Variants in C1orf87 observed in about 807,000 individuals in gnomAD.
C1orf87 encodes uncharacterized protein C1orf87.
Under a neutral mutation model 60.5 loss-of-function variants are expected in C1orf87, and 58 were observed. The ratio of observed to expected loss-of-function variants is 0.96; its 90% CI spans 0.78 to 1.19. C1orf87 has a LOEUF of 1.19. C1orf87 is among the 50% of genes most tolerant of loss of function. The probability of loss-of-function intolerance (pLI) is 0.00; values close to 1 mark genes in which losing one functional copy is unlikely to be tolerated. For synonymous variants in C1orf87, 236 were observed against 227.4 expected, an observed-to-expected ratio of 1.04 and a Z score of -0.34; for missense variants, 673 against 638.6, an observed-to-expected ratio of 1.05 and a Z score of -0.58.
At chr1:59,993,509 T>G (rs1644940647) in intron 11 of C1orf87, among the ~76,000 whole-genome samples, 1 of 152,090 alleles carries the variant, frequency 6.6e-6, no homozygotes, top group South Asian at 2.1e-4. Context: ...TAATTAAAAA[T>G]TAAAAGTTAT....
At chr1:60,044,023 T>G (rs140081810) in intron 3 of C1orf87, among the ~76,000 whole-genome samples, 1 of 152,140 alleles carries the variant, frequency 6.6e-6, no homozygotes, top group African/African-American at 2.4e-5. Flanking sequence ...GTCTTTTTGT[T>G]TGTTTGTTTT....
intron 8 of C1orf87, 46 bp downstream of exon 8, chr1:60,025,355 G>A: frequency 7.1e-7 from 1 of 1,414,656 alleles, no homozygotes; most frequent in East Asian, 2.3e-5. Context: ...ATTTGGGGAA[G>A]GGGTGGTGGA....
At chr1:60,045,640 T>C (rs2100304142) in intron 3 of C1orf87, among the ~76,000 whole-genome samples, 1 of 152,308 alleles carries the variant, frequency 6.6e-6, no homozygotes, top group East Asian at 1.9e-4. Flanking sequence ...TGTTATTTCA[T>C]CCACATTATT....
chr1:60,004,311 A>G (rs1249940812), intron 9 of C1orf87, among the ~76,000 whole-genome samples: 2 of 152,006 alleles, frequency 1.3e-5, no homozygotes, highest in East Asian at 3.9e-4. Context: ...TACGTAAAAT[A>G]CCTAACACAG....
intron 11 of C1orf87, among the ~76,000 whole-genome samples, chr1:59,995,634 T>C (rs571653273): frequency 1.3e-5 from 2 of 152,206 alleles, no homozygotes; most frequent in Non-Finnish European, 2.9e-5. Flanking sequence ...AGTTCTCTCT[T>C]TCTTGGAGTC....
At chr1:60,012,915 T>C (rs1645098500) in intron 8 of C1orf87, among the ~76,000 whole-genome samples, 1 of 152,176 alleles carries the variant, frequency 6.6e-6, no homozygotes, top group South Asian at 2.1e-4. Context: ...TTTTGTGGTC[T>C]TCGCAGTTCC....
Position 59,997,772 on chromosome 1 carries a change from T to G in C1orf87, c.1317A>C (p.Glu439Asp). The change falls in exon 11 of 12, where the codon GAA becomes GAC. Residue 439 changes from glutamate (E) to aspartate (D), a missense_variant. Physicochemically the swap from Glu to Asp is conservative, Grantham distance 45. Coordinates refer to ENST00000371201, the MANE Select transcript of C1orf87 (RefSeq NM_152377.3). ...TCAGAGGATCTTTGCAGGCTGAAGT[T>G]TCAGCAGGAGAGCTTTCTGGCTGCA... ...EELQPESSPA[E>D]TSACKDPLKP... The G allele has an allele frequency of 6.2e-7, 1 of 1,613,864 alleles. No individual in the cohort carries two copies. Among genetic ancestry groups the G allele is most frequent in the Non-Finnish European group, 8.5e-7 (1 of 1,179,860 alleles).
chr1:60,041,913 A>G (rs940568854), intron 3 of C1orf87, among the ~76,000 whole-genome samples: 2 of 152,136 alleles, frequency 1.3e-5, no homozygotes, highest in Non-Finnish European at 2.9e-5. Context: ...CCAGACAACT[A>G]GGGATAGTCA....
chr1:60,020,365 G>T (rs536507330), intron 8 of C1orf87, among the ~76,000 whole-genome samples: 7 of 152,268 alleles, frequency 4.6e-5, no homozygotes, highest in African/African-American at 1.7e-4. Context: ...CTGACAGCTT[G>T]CAACCGTGTG....
intron 3 of C1orf87, among the ~76,000 whole-genome samples, chr1:60,048,930 AT>A (rs1645392902): frequency 6.6e-6 from 1 of 152,000 alleles, no homozygotes; most frequent in South Asian, 2.1e-4. Context: ...TCTTTTTACA[AT>A]TTCATAGTAC....
At chr1:60,024,333 G>C (rs1480424375) in intron 8 of C1orf87, among the ~76,000 whole-genome samples, 1 of 152,024 alleles carries the variant, frequency 6.6e-6, no homozygotes, top group Non-Finnish European at 1.5e-5. Context: ...GTTTGTCTGG[G>C]GTAATTTGGC....
At chr1:60,051,056 G>T (rs150332943) in intron 3 of C1orf87, among the ~76,000 whole-genome samples, 4 of 152,212 alleles carry the variant, frequency 2.6e-5, no homozygotes, top group Non-Finnish European at 4.4e-5. Context: ...GGAGGGAAGA[G>T]AATTTTACCC....
chr1:59,992,628 T>C (rs1214174751), intron 11 of C1orf87, among the ~76,000 whole-genome samples: 2 of 152,220 alleles, frequency 1.3e-5, no homozygotes, highest in Non-Finnish European at 2.9e-5. Flanking sequence ...CCAGAGGCAG[T>C]GCCTTGTCAT....
Position 60,041,054 on chromosome 1 carries a change from G to C in C1orf87, c.420C>G (p.Pro140=), listed in dbSNP as rs1159611121. 1.2e-6 allele frequency: 2 copies of C among 1,613,276 alleles called. No homozygotes were observed. The highest frequency in any genetic ancestry group is 1.3e-5 in the African/African-American group (1 of 74,866). Reference sequence around the variant, plus strand: ...AGGACCAGTCTCTAAGCTTTCTCCTGGGAATGCCATGCACATAGGATAAGG... The same window carrying C: ...AGGACCAGTCTCTAAGCTTTCTCCTCGGAATGCCATGCACATAGGATAAGG... ...DQSLSYVHGI[P]RRKLRDWSLE... The change falls in exon 4 of 12, where the codon CCC becomes CCG. Residue 140 remains proline (P), a synonymous_variant. Coordinates refer to ENST00000371201, the MANE Select transcript of C1orf87 (RefSeq NM_152377.3).
chr1:60,063,237 T>C (rs776835282), intron 2 of C1orf87, among the ~76,000 whole-genome samples: 24 of 152,208 alleles, frequency 1.6e-4, no homozygotes, highest in Non-Finnish European at 2.8e-4. Flanking sequence ...ATAAGGCTTA[T>C]TGATCAGTTG....
chr1:60,029,251 T>C (rs1645219852), intron 7 of C1orf87, among the ~76,000 whole-genome samples: 1 of 152,184 alleles, frequency 6.6e-6, no homozygotes, highest in Non-Finnish European at 1.5e-5. Flanking sequence ...CTCCTTGATG[T>C]CTCCATCCCT....
chr1:60,040,506 C>T (rs1383268515), intron 4 of C1orf87, among the ~76,000 whole-genome samples: 1 of 152,152 alleles, frequency 6.6e-6, no homozygotes, highest in African/African-American at 2.4e-5. Context: ...TTTGGAGACC[C>T]ATTGCAGCTG....
chr1:60,019,358 C>G (rs1645146499), intron 8 of C1orf87, among the ~76,000 whole-genome samples: 1 of 152,182 alleles, frequency 6.6e-6, no homozygotes, highest in East Asian at 1.9e-4. Context: ...AGCCATCCTT[C>G]CTGTTAAGCC....
chr1:60,036,007 C>T (rs111570727), intron 6 of C1orf87, among the ~76,000 whole-genome samples: 2 of 152,094 alleles, frequency 1.3e-5, no homozygotes, highest in African/African-American at 2.4e-5. Flanking sequence ...TGTTTTCTAC[C>T]GCATGGTCTA....
Sources: gnomAD v4.1 joint callset for allele counts (sites outside exome capture counted in the v4.1 genomes callset) on GRCh38, gnomAD v4.1.1 for gene constraint, MANE v1.5 for transcripts, NCBI Gene and HGNC (gene_info 2026-07-23, HGNC 2026-07-21) for gene names.